AMELY: variants seen among roughly 807,000 people sequenced by gnomAD.
AMELY encodes the protein amelogenin, Y isoform.
In AMELY, 4 loss-of-function variants were observed where a neutral mutation model predicts 4.2. The observed-to-expected ratio is 0.96, with a 90% confidence interval of 0.47 to 2.19. The LOEUF is 2.19. Ranked by LOEUF, AMELY falls within the 30% of genes most tolerant of loss-of-function variation. The probability of loss-of-function intolerance (pLI) is 0.02; values close to 1 mark genes in which losing one functional copy is unlikely to be tolerated. For missense variants in AMELY, 32 were observed against 41.5 expected (o/e 0.77, Z 0.63); for synonymous variants, 11 against 14.7 (o/e 0.75, Z 0.57).
intron 1 of AMELY, among the ~76,000 whole-genome samples, chrY:6,903,683 T>A: frequency 3.0e-5 from 1 of 33,797 alleles, no homozygotes; most frequent in East Asian, 8.0e-4. Context: ...GCCACACTTC[T>A]TTAGCCATAA....
At position 6,880,662 on chromosome Y, in the gene AMELY, C is replaced by A. The variant is rs1046335464; in HGVS notation, c.-112-6591G>T. 1.5e-4 allele frequency among the ~76,000 whole-genome samples: 5 copies of A among 32,997 alleles called. No individual in the cohort carries two copies. In the South Asian group the frequency reaches 3.4e-3, roughly 23 times the overall value. 88.5% of individuals were successfully genotyped at this position (32,997 alleles called of 37,273 possible). A position where few individuals can be genotyped will look rare whatever the true frequency, so the allele number is the denominator to read the frequency against. The stretch of plus-strand genomic sequence containing the variant: ...GGCTGTGACTCCGTCTGACCCTGGA[C>A]TTTTTTTGGTTGGTAGGCTATTAAT... On this transcript the variant is annotated intron_variant, in intron 1 of 6. Transcript: ENST00000651267.
At chrY:6,871,951 T>C (rs2054068262) in intron 3 of AMELY, among the ~76,000 whole-genome samples, 1 of 30,269 alleles carries the variant, frequency 3.3e-5, no homozygotes, top group Admixed American at 3.1e-4. Context: ...AGAGCAAGAC[T>C]CCATCTCAAA....
intron 1 of AMELY, among the ~76,000 whole-genome samples, chrY:6,897,210 G>A: frequency 6.0e-5 from 2 of 33,374 alleles, no homozygotes; most frequent in South Asian, 1.4e-3. Context: ...AAAGAAGAGA[G>A]CAACATGATG....
At chrY:6,888,378 T>C (rs2054081234) in intron 1 of AMELY, among the ~76,000 whole-genome samples, 1 of 33,022 alleles carries the variant, frequency 3.0e-5, no homozygotes, top group Non-Finnish European at 7.4e-5. Flanking sequence ...TTGAAAGAAA[T>C]TATTTAGCTT....
chrY:6,896,265 G>C, intron 1 of AMELY, among the ~76,000 whole-genome samples: 2 of 33,172 alleles, frequency 6.0e-5, no homozygotes, highest in Non-Finnish European at 1.5e-4. Flanking sequence ...GCCCAAGGCT[G>C]GTGCAATAGA....
At chrY:6,876,219 G>C in intron 1 of AMELY, among the ~76,000 whole-genome samples, 1 of 32,966 alleles carries the variant, frequency 3.0e-5, no homozygotes, top group African/African-American at 1.2e-4. Flanking sequence ...TTGGAAGAGA[G>C]GACAAAATTT....
chrY:6,883,707 C>T, intron 1 of AMELY, among the ~76,000 whole-genome samples: 4 of 33,518 alleles, frequency 1.2e-4, no homozygotes, highest in South Asian at 6.7e-4. Context: ...AATGGAGATT[C>T]GTTACTGTGA....
intron 1 of AMELY, among the ~76,000 whole-genome samples, chrY:6,903,159 T>C: frequency 3.0e-5 from 1 of 33,149 alleles, no homozygotes; most frequent in Non-Finnish European, 7.4e-5. Context: ...AGTAGACTGA[T>C]TTCATCTTGA....
intron 1 of AMELY, among the ~76,000 whole-genome samples, chrY:6,892,864 C>T (rs945058632): frequency 8.9e-5 from 3 of 33,548 alleles, no homozygotes; most frequent in Non-Finnish European, 2.2e-4. Context: ...ACAGGTAGAA[C>T]GCATGAATCA....
chrY:6,871,133 A>C, intron 3 of AMELY, among the ~76,000 whole-genome samples: 2 of 32,969 alleles, frequency 6.1e-5, no homozygotes, highest in African/African-American at 2.4e-4. Flanking sequence ...AGGGATTGCC[A>C]CAGTGCAGGA....
intron 1 of AMELY, among the ~76,000 whole-genome samples, chrY:6,884,238 A>C (rs2124082617): frequency 4.2e-5 from 1 of 24,029 alleles, no homozygotes; most frequent in African/African-American, 1.7e-4. Flanking sequence ...CAATTAGAAC[A>C]CATGGACACA....
At chrY:6,894,896 G>C in intron 1 of AMELY, among the ~76,000 whole-genome samples, 1 of 33,851 alleles carries the variant, frequency 3.0e-5, no homozygotes. Context: ...CCCTAGGAGA[G>C]AGTTGTTGCT....
intron 1 of AMELY, among the ~76,000 whole-genome samples, chrY:6,898,910 G>A (rs2054087568): frequency 8.9e-5 from 3 of 33,860 alleles, no homozygotes; most frequent in Non-Finnish European, 2.2e-4. Flanking sequence ...CACCTCATAC[G>A]TTACTATGAC....
In AMELY at chrY:6,908,671, C is replaced by A; in HGVS notation, c.-113+3002G>T. Among the ~76,000 whole-genome samples, 4 of 32,321 alleles carry A rather than the reference C, an allele frequency of 1.2e-4. No individual in the cohort carries two copies. The South Asian group carries it at 2.8e-3, about 23-fold the overall frequency. 86.7% of individuals were successfully genotyped at this position (32,321 alleles called of 37,273 possible). On this transcript the variant is annotated intron_variant, in intron 1 of 6. Transcript: ENST00000651267. ...CTTTGTCAGAATGCACTAGCTCCTTCCAACTTTATTTTCTTGTTTTCTCCC... is the reference window on the plus strand; with the variant it reads ...CTTTGTCAGAATGCACTAGCTCCTTACAACTTTATTTTCTTGTTTTCTCCC...
chrY:6,899,537 C>T (rs763989322), intron 1 of AMELY, among the ~76,000 whole-genome samples: 16 of 29,295 alleles, frequency 5.5e-4, no homozygotes, highest in African/African-American at 2.2e-3. Flanking sequence ...ACCAGCCTGA[C>T]CAACATGGAG....
At chrY:6,911,095 A>G in intron 1 of AMELY, 1 of 36,191 alleles carries the variant, frequency 2.8e-5, no homozygotes, top group Non-Finnish European at 6.8e-5. Context: ...TCCGCTCGCC[A>G]CGAACTCCTG....
chrY:6,868,965 A>G, intron 4 of AMELY, 189 bp from the exon 5 acceptor site: 1 of 206,485 alleles, frequency 4.8e-6, no homozygotes, highest in Non-Finnish European at 9.1e-6. Context: ...TGTGTCAGGC[A>G]CTGTGTTTAC....
At chrY:6,910,802 G>A in intron 1 of AMELY, 1 of 43,082 alleles carries the variant, frequency 2.3e-5, no homozygotes, top group Non-Finnish European at 5.2e-5. Flanking sequence ...CAGTACCCGC[G>A]ACCTTTCCGG....
At chrY:6,900,512 G>A in intron 1 of AMELY, among the ~76,000 whole-genome samples, 1 of 32,522 alleles carries the variant, frequency 3.1e-5, no homozygotes, top group Admixed American at 2.8e-4. Context: ...GAGAGGCCTC[G>A]GACCCTCAGC....
Sources: gnomAD v4.1 joint callset for allele counts (sites outside exome capture counted in the v4.1 genomes callset) on GRCh38, gnomAD v4.1.1 for gene constraint, MANE v1.5 for transcripts, NCBI Gene and HGNC (gene_info 2026-07-23, HGNC 2026-07-21) for gene names.